Variants in CAPN8 observed in about 807,000 individuals in gnomAD.
CAPN8 encodes the protein calpain-8.
A neutral mutation model predicts 80.9 loss-of-function variants in CAPN8; 87 were observed. The ratio of observed to expected loss-of-function variants is 1.07; its 90% CI spans 0.90 to 1.28. The LOEUF is 1.28. Ranked by LOEUF, CAPN8 falls within the 50% of genes most tolerant of loss-of-function variation. The pLI is 0.00. For missense variants in CAPN8, 757 were observed against 702.0 expected, an observed-to-expected ratio of 1.08 and a Z score of -0.89; for synonymous variants, 299 against 273.8, an observed-to-expected ratio of 1.09 and a Z score of -0.91.
chr1:223,622,769 T>A (rs1208664083), intron 7 of CAPN8, 46 bp downstream of exon 7: 1 of 1,441,010 alleles, frequency 6.9e-7, no homozygotes, highest in Non-Finnish European at 9.6e-7. Flanking sequence ...ACGACACCCT[T>A]CCGCAGAGGG....
At chr1:223,657,874 C>A (rs1658541352) in intron 1 of CAPN8, among the ~76,000 whole-genome samples, 1 of 152,136 alleles carries the variant, frequency 6.6e-6, no homozygotes, top group Non-Finnish European at 1.5e-5. Flanking sequence ...CTCCTCTCAC[C>A]CATGTCATCA....
In CAPN8 at chr1:223,549,349, T is replaced by A; in HGVS notation, c.1733A>T (p.Asn578Ile). 6.4e-7 allele frequency: 1 copy of A among 1,551,924 alleles called. No individual in the cohort carries two copies. The highest frequency in any genetic ancestry group is 8.7e-7 in the Non-Finnish European group (1 of 1,147,060). The change falls in exon 16 of 21, where the codon AAC becomes ATC. Residue 578 changes from asparagine (N) to isoleucine (I), a missense_variant. Coordinates refer to ENST00000366872, the MANE Select transcript of CAPN8 (RefSeq NM_001143962.2). ...CAGACTGATCATTTCCCTGCAAGTG[T>A]TGATGTTGAATCCATCGAATTTTAT... ...TDIKFDGFNI[N>I]TCREMISLLD...
chr1:223,658,962 A>G (rs1219197678), intron 1 of CAPN8, among the ~76,000 whole-genome samples: 1 of 152,192 alleles, frequency 6.6e-6, no homozygotes, highest in Non-Finnish European at 1.5e-5. Context: ...GGTTTTAAAG[A>G]GGCAGGATTC....
At chr1:223,548,511 G>A (rs1211737340) in intron 16 of CAPN8, among the ~76,000 whole-genome samples, 4 of 152,208 alleles carry the variant, frequency 2.6e-5, no homozygotes, top group African/African-American at 9.6e-5. Context: ...ATTAGGTCAT[G>A]AGGGTGGAAC....
intron 14 of CAPN8, among the ~76,000 whole-genome samples, chr1:223,552,059 G>A (rs534095540): frequency 5.3e-5 from 8 of 152,326 alleles, no homozygotes; most frequent in African/African-American, 9.6e-5. Context: ...CAGAGAAGGC[G>A]TGCTGGGCTG....
intron 10 of CAPN8, among the ~76,000 whole-genome samples, chr1:223,614,042 A>T (rs1455848972): frequency 6.6e-6 from 1 of 152,224 alleles, no homozygotes; most frequent in Non-Finnish European, 1.5e-5. Flanking sequence ...TATGAGCGCA[A>T]ATGTCATGCC....
intron 7 of CAPN8, among the ~76,000 whole-genome samples, chr1:223,621,243 CTT>C (rs34761307): frequency 0.55 from 79,394 of 143,692 alleles, 22,505 homozygotes; most frequent in African/African-American, 0.69. Context: ...CTTTTTTTTA[CTT>C]TTTTTTTTTT....
At position 223,628,666 on chromosome 1, in the gene CAPN8, A is replaced by G. The variant is rs1267049562; in HGVS notation, c.422T>C (p.Phe141Ser). 1.9e-6 allele frequency: 3 copies of G among 1,550,496 alleles called. No homozygotes were observed. Among genetic ancestry groups the G allele is most frequent in the Non-Finnish European group, 2.6e-6 (3 of 1,145,872 alleles). The change falls in exon 3 of 21, where the codon TTT (phenylalanine) becomes TCT (serine). Residue 141 changes from phenylalanine to serine, a missense_variant. Transcript: ENST00000366872. The part of the protein sequence containing the change: ...FQENYAGIFH[F>S]QFWQYGEWVE... ...GGCCAGAGCAGAGCACAGTACCTGA[A>G]AGTGAAAGATTCCCGCATAGTTCTC...
At chr1:223,617,230 A>T (rs4076464) in intron 9 of CAPN8, 91,763 of 149,970 alleles carry the variant, frequency 0.61, 28,205 homozygotes, top group Middle Eastern at 0.63. Context: ...TTACAGTAGG[A>T]TTACTTATTC....
intron 2 of CAPN8, among the ~76,000 whole-genome samples, chr1:223,643,458 T>C (rs1658099528): frequency 1.3e-5 from 2 of 152,202 alleles, no homozygotes; most frequent in South Asian, 4.1e-4. Flanking sequence ...AATGTTAAAA[T>C]GCCAAGGAAC....
intron 2 of CAPN8, among the ~76,000 whole-genome samples, chr1:223,641,273 T>A (rs1658032810): frequency 6.6e-6 from 1 of 152,046 alleles, no homozygotes; most frequent in South Asian, 2.1e-4. Context: ...CTGCAACTAT[T>A]ACATAAGTAT....
rs1440185288 is a variant in CAPN8, at chr1:223,625,817, A to G, written c.801T>C (p.Thr267=). The change falls in exon 6 of 21, where the codon ACT becomes ACC. Residue 267 remains threonine (T), a synonymous_variant. Coordinates refer to ENST00000366872, the MANE Select transcript of CAPN8 (RefSeq NM_001143962.2). ...KLVKSHAYSV[T]GVEEVNFQGH... ...CACACAATTTTACCTCTTCGACTCCAGTGACAGAGTACGCATGACTCTTAA... is the reference window on the plus strand; with the variant it reads ...CACACAATTTTACCTCTTCGACTCCGGTGACAGAGTACGCATGACTCTTAA... 2 of 1,550,406 alleles carry G rather than the reference A, an allele frequency of 1.3e-6. No individual in the cohort carries two copies. The highest frequency in any genetic ancestry group is 1.7e-6 in the Non-Finnish European group (2 of 1,145,860).
intron 1 of CAPN8, among the ~76,000 whole-genome samples, chr1:223,661,030 G>T (rs1159104437): frequency 1.3e-5 from 2 of 151,752 alleles, no homozygotes; most frequent in Non-Finnish European, 2.9e-5. Context: ...TAGCCAATTG[G>T]TGGCAGGAGC....
At chr1:223,623,884 C>A (rs1186462339) in intron 6 of CAPN8, among the ~76,000 whole-genome samples, 1 of 151,692 alleles carries the variant, frequency 6.6e-6, no homozygotes, top group Non-Finnish European at 1.5e-5. Flanking sequence ...CCTGTAATCC[C>A]AGCTACTCGG....
At chr1:223,635,222 C>T (rs1362739796) in intron 2 of CAPN8, among the ~76,000 whole-genome samples, 2 of 152,224 alleles carry the variant, frequency 1.3e-5, no homozygotes, top group East Asian at 1.9e-4. Context: ...GCTATTTCAG[C>T]TCTGTACATT....
Position 223,665,410 on chromosome 1 carries a change from C to G in CAPN8, c.237G>C (p.Thr79=), listed in dbSNP as rs1013493643. 4.5e-6 allele frequency: 7 copies of G among 1,550,164 alleles called. No individual in the cohort carries two copies. In the Admixed American group the frequency reaches 9.8e-5, roughly 22 times the overall value. ...QTQGIIWKRP[T]ELCPSPQFIV... ...CTCAACAGCAAGCCCGCTTCCTTAC[C>G]GTGGGCCGCTTCCAGATGATGCCTT... Residue 79 remains threonine, a splice_region_variant and synonymous_variant, in exon 1 of 21, where the codon ACG becomes ACC. Transcript: ENST00000366872.
intron 15 of CAPN8, 38 bp from the exon 16 acceptor site, chr1:223,549,420 T>C (rs758890762): frequency 1.3e-6 from 2 of 1,551,222 alleles, no homozygotes; most frequent in Non-Finnish European, 1.7e-6. Flanking sequence ...GGGAATCGGA[T>C]CATTTGAAGG....
At chr1:223,632,534 AGC>A (rs1657802701) in intron 2 of CAPN8, among the ~76,000 whole-genome samples, 1 of 151,608 alleles carries the variant, frequency 6.6e-6, no homozygotes, top group South Asian at 2.1e-4. Context: ...CACCATGCCG[AGC>A]TATTTTTTTT....
chr1:223,654,109 A>T (rs1658414191), intron 2 of CAPN8, among the ~76,000 whole-genome samples: 1 of 152,194 alleles, frequency 6.6e-6, no homozygotes, highest in Non-Finnish European at 1.5e-5. Flanking sequence ...AAAATCTCTC[A>T]TTAGGGGGAG....
Sources: allele counts gnomAD v4.1 joint callset (sites outside exome capture counted in the v4.1 genomes callset), GRCh38; gene constraint gnomAD v4.1.1; transcripts MANE v1.5; gene names NCBI Gene and HGNC (gene_info 2026-07-23, HGNC 2026-07-21).